The following FARP2 variants were observed in gnomAD, a reference collection of about 807,000 sequenced individuals.
FARP2 encodes FERM, ARH/RhoGEF and pleckstrin domain protein 2.
Under a neutral mutation model 130.5 loss-of-function variants are expected in FARP2, and 111 were observed. That is an observed-to-expected ratio of 0.85 (90% CI 0.73 to 1.00). The LOEUF (loss-of-function observed/expected upper bound fraction) is 1.00. FARP2 is among the 50% of genes least tolerant of loss of function. The pLI, the probability that FARP2 is intolerant of heterozygous loss-of-function variation, is 0.00. For synonymous variants in FARP2, 504 were observed against 516.9 expected, an observed-to-expected ratio of 0.98 and a Z score of 0.34; for missense variants, 1,385 against 1,346.3, an observed-to-expected ratio of 1.03 and a Z score of -0.45.
chr2:241,471,125 A>G (rs2064294149), intron 18 of FARP2, among the ~76,000 whole-genome samples: 3 of 134,926 alleles, frequency 2.2e-5, no homozygotes, highest in East Asian at 2.3e-4. Context: ...TGTTCTGAGG[A>G]GGATTCTGTT....
chr2:241,361,868 TTTATTA>T (rs796784527), intron 1 of FARP2, among the ~76,000 whole-genome samples: 1 of 151,668 alleles, frequency 6.6e-6, no homozygotes, highest in African/African-American at 2.4e-5. Flanking sequence ...TCTTGTCCCC[TTTATTA>T]TTATTATTAT....
intron 12 of FARP2, among the ~76,000 whole-genome samples, chr2:241,438,082 T>C (rs1400387831): frequency 2.0e-5 from 3 of 152,234 alleles, no homozygotes; most frequent in African/African-American, 7.2e-5. Context: ...GTGCTTGGAT[T>C]ATAGGCATGA....
At chr2:241,456,193 C>T (rs1476997007) in intron 13 of FARP2, among the ~76,000 whole-genome samples, 3 of 151,928 alleles carry the variant, frequency 2.0e-5, no homozygotes, top group African/African-American at 7.3e-5. Context: ...AAAATAAAAT[C>T]CCCATTAATG....
intron 2 of FARP2, among the ~76,000 whole-genome samples, chr2:241,382,049 G>A (rs1457543245): frequency 6.6e-6 from 1 of 152,080 alleles, no homozygotes; most frequent in Non-Finnish European, 1.5e-5. Flanking sequence ...AGAAAAACAG[G>A]AACTCACAGT....
chr2:241,437,942 G>A (rs1415224495), intron 12 of FARP2, among the ~76,000 whole-genome samples: 1 of 152,142 alleles, frequency 6.6e-6, no homozygotes, highest in Non-Finnish European at 1.5e-5. Flanking sequence ...TGGGAATACA[G>A]GCATGAGCCA....
At chr2:241,415,816 G>A (rs1393254402) in intron 7 of FARP2, among the ~76,000 whole-genome samples, 1 of 152,232 alleles carries the variant, frequency 6.6e-6, no homozygotes, top group Non-Finnish European at 1.5e-5. Context: ...GCAGGTTTCT[G>A]AGCTTGGCAG....
At chr2:241,409,525 G>T (rs1012817441) in intron 5 of FARP2, among the ~76,000 whole-genome samples, 2 of 152,032 alleles carry the variant, frequency 1.3e-5, no homozygotes, top group African/African-American at 4.8e-5. Flanking sequence ...CTCCAGCCTG[G>T]GCAATAGAGT....
chr2:241,418,865 A>G (rs566919474), intron 8 of FARP2, among the ~76,000 whole-genome samples: 89 of 152,278 alleles, frequency 5.8e-4, no homozygotes, highest in African/African-American at 2.1e-3. Flanking sequence ...ACCCAGGCTA[A>G]ATATGTCCAA....
At chr2:241,471,644 A>C (rs1478430981) in intron 18 of FARP2, among the ~76,000 whole-genome samples, 9 of 150,928 alleles carry the variant, frequency 6.0e-5, no homozygotes, top group Non-Finnish European at 1.2e-4. Context: ...CAGGCGCCCG[A>C]CACCACGCCT....
At chr2:241,452,378 C>A (rs971659851) in intron 13 of FARP2, among the ~76,000 whole-genome samples, 3 of 152,096 alleles carry the variant, frequency 2.0e-5, no homozygotes, top group African/African-American at 7.2e-5. Flanking sequence ...GTTACACATT[C>A]ATCGCCAGTT....
At chr2:241,442,402 G>GC (rs1347429076) in intron 13 of FARP2, 14 of 456,476 alleles carry the variant, frequency 3.1e-5, no homozygotes, top group East Asian at 1.4e-4. Context: ...TGAAACCGAG[G>GC]CCCCCCTAGA....
chr2:241,439,031 TTTC>T (rs951988740), intron 12 of FARP2, among the ~76,000 whole-genome samples: 3 of 152,158 alleles, frequency 2.0e-5, no homozygotes, highest in Non-Finnish European at 2.9e-5. Flanking sequence ...TTGATTTTTT[TTTC>T]TTTTTTTTTG....
At chr2:241,394,990 C>T (rs1255030462) in intron 2 of FARP2, among the ~76,000 whole-genome samples, 2 of 152,236 alleles carry the variant, frequency 1.3e-5, no homozygotes, top group Non-Finnish European at 2.9e-5. Flanking sequence ...CAGTATTGGA[C>T]TTGGAGAGGC....
intron 17 of FARP2, chr2:241,466,700 C>A (rs1182371596): frequency 1.9e-5 from 11 of 586,194 alleles, no homozygotes; most frequent in African/African-American, 4.2e-5. Flanking sequence ...CCCCCCCCCC[C>A]ACCACCACCA....
intron 1 of FARP2, among the ~76,000 whole-genome samples, chr2:241,371,003 G>A (rs1039877789): frequency 1.3e-5 from 2 of 152,150 alleles, no homozygotes. Context: ...GCACTGCCTT[G>A]TTGTTTTGTT....
intron 26 of FARP2, 186 bp from the exon 27 acceptor site, chr2:241,493,822 C>T: frequency 1.9e-6 from 1 of 531,340 alleles, no homozygotes; most frequent in Non-Finnish European, 3.4e-6. Flanking sequence ...GTCTCGAACT[C>T]CTGACCTCAA....
chr2:241,356,453 C>T (rs2061065687), intron 1 of FARP2, 65 bp downstream of exon 1: 1 of 152,220 alleles, frequency 6.6e-6, no homozygotes. Context: ...GGCGGCGAAG[C>T]CCGAGGCCCG....
intron 12 of FARP2, among the ~76,000 whole-genome samples, chr2:241,437,666 A>ATTTATTTT (rs1553723681): frequency 3.1e-5 from 4 of 129,244 alleles, no homozygotes; most frequent in Non-Finnish European, 6.8e-5. Context: ...TTATTTATTT[A>ATTTATTTT]TTTATTTTTT....
At chr2:241,431,802 T>G (rs1288810660) in intron 9 of FARP2, 28 bp downstream of exon 9, 4 of 789,022 alleles carry the variant, frequency 5.1e-6, no homozygotes, top group African/African-American at 1.8e-5. Context: ...CTTTTTATTT[T>G]TATTTTATTT....
Sources: allele counts gnomAD v4.1 joint callset (sites outside exome capture counted in the v4.1 genomes callset), GRCh38; gene constraint gnomAD v4.1.1; transcripts MANE v1.5; gene names NCBI Gene and HGNC (gene_info 2026-07-23, HGNC 2026-07-21).